Variants in IL15 observed in about 807,000 individuals in gnomAD.
The protein encoded by IL15 is interleukin 15.
Under a neutral mutation model 19.6 loss-of-function variants are expected in IL15, and 11 were observed. The observed-to-expected ratio is 0.56, with a 90% confidence interval of 0.35 to 0.93. IL15 has a LOEUF of 0.93. Among genes scored for constraint, IL15 ranks in the 40% least tolerant of loss-of-function variants. The probability of loss-of-function intolerance (pLI) is 0.01; values close to 1 mark genes in which losing one functional copy is unlikely to be tolerated. For missense variants in IL15, 197 were observed against 186.5 expected, an observed-to-expected ratio of 1.06 and a Z score of -0.33; for synonymous variants, 58 against 59.6, an observed-to-expected ratio of 0.97 and a Z score of 0.12.
intron 2 of IL15, among the ~76,000 whole-genome samples, chr4:141,691,570 C>CA (rs1322596177): frequency 2.0e-5 from 3 of 152,116 alleles, no homozygotes; most frequent in Non-Finnish European, 2.9e-5. Context: ...GTTCCCATTC[C>CA]AAATGGGAGA....
At position 141,667,267 on chromosome 4, in the gene IL15, G is replaced by A. The variant is rs563041414; in HGVS notation, c.-100+10960G>A. ...ATTAATCAAACCCAAGGACCGGGCT[G>A]TGGGAACTCTGATTTATAACTGATC... is the stretch of plus-strand genomic sequence containing the variant. On this transcript the variant is annotated intron_variant, in intron 2 of 7. Transcript: ENST00000320650. Among the ~76,000 whole-genome samples, 3 of 152,224 alleles carry A rather than the reference G, an allele frequency of 2.0e-5. No individual in the cohort carries two copies. The East Asian group carries it at 5.8e-4, about 29-fold the overall frequency.
At chr4:141,664,849 T>C (rs1727917105) in intron 2 of IL15, among the ~76,000 whole-genome samples, 1 of 152,182 alleles carries the variant, frequency 6.6e-6, no homozygotes, top group South Asian at 2.1e-4. Context: ...TTTCATTTTT[T>C]AGCCATGTGA....
chr4:141,703,294 A>T (rs932840458), intron 2 of IL15, among the ~76,000 whole-genome samples: 1 of 152,132 alleles, frequency 6.6e-6, no homozygotes, highest in East Asian at 1.9e-4. Context: ...ATGGGTGTAC[A>T]TCCCTACTCA....
chr4:141,708,284 G>A (rs1418651938), intron 2 of IL15, among the ~76,000 whole-genome samples: 3 of 152,268 alleles, frequency 2.0e-5, no homozygotes, highest in Non-Finnish European at 4.4e-5. Context: ...CTATGCTCTA[G>A]GTAGCTGAGT....
chr4:141,702,287 T>G (rs1451640282), intron 2 of IL15, among the ~76,000 whole-genome samples: 1 of 152,200 alleles, frequency 6.6e-6, no homozygotes, highest in Non-Finnish European at 1.5e-5. Flanking sequence ...AAAATGGGAC[T>G]TCTTGAGAGC....
At chr4:141,645,664 C>T (rs1182164885) in intron 1 of IL15, among the ~76,000 whole-genome samples, 1 of 151,954 alleles carries the variant, frequency 6.6e-6, no homozygotes, top group Non-Finnish European at 1.5e-5. Flanking sequence ...AAAATAAGAA[C>T]CATTTTATTT....
intron 2 of IL15, among the ~76,000 whole-genome samples, chr4:141,679,231 A>C (rs959443961): frequency 2.6e-5 from 4 of 152,202 alleles, no homozygotes; most frequent in African/African-American, 7.2e-5. Flanking sequence ...AAAAATAAGC[A>C]AGCCGTTCCA....
chr4:141,646,703 T>A (rs1411961521), intron 1 of IL15, among the ~76,000 whole-genome samples: 2 of 152,160 alleles, frequency 1.3e-5, no homozygotes, highest in East Asian at 3.8e-4. Context: ...TTAGTTCAGC[T>A]TGTGTTTTGT....
At chr4:141,702,074 T>C (rs1448394140) in intron 2 of IL15, among the ~76,000 whole-genome samples, 1 of 152,180 alleles carries the variant, frequency 6.6e-6, no homozygotes, top group Non-Finnish European at 1.5e-5. Flanking sequence ...AAGGATCTCT[T>C]CTCCAAGACC....
chr4:141,685,490 T>C (rs772157538), intron 2 of IL15, among the ~76,000 whole-genome samples: 22 of 152,168 alleles, frequency 1.4e-4, no homozygotes, highest in African/African-American at 4.8e-4. Flanking sequence ...GAGATGACTT[T>C]TGGAATATAT....
chr4:141,724,386 A>T (rs1730190772), intron 5 of IL15, among the ~76,000 whole-genome samples: 1 of 152,084 alleles, frequency 6.6e-6, no homozygotes, highest in Admixed American at 6.6e-5. Flanking sequence ...CAAATCAAAA[A>T]TCTAAGTTAC....
At chr4:141,684,908 A>G (rs1728660562) in intron 2 of IL15, among the ~76,000 whole-genome samples, 1 of 151,714 alleles carries the variant, frequency 6.6e-6, no homozygotes, top group African/African-American at 2.4e-5. Context: ...TTTAATATTT[A>G]TTGTATCTCC....
chr4:141,643,448 A>G (rs1174124903), intron 1 of IL15, among the ~76,000 whole-genome samples: 2 of 152,140 alleles, frequency 1.3e-5, no homozygotes, highest in Non-Finnish European at 2.9e-5. Flanking sequence ...CTGCTCCACT[A>G]GAAATACACT....
chr4:141,712,640 AAT>A (rs1204228392), intron 2 of IL15, among the ~76,000 whole-genome samples: 1 of 148,198 alleles, frequency 6.7e-6, no homozygotes, highest in African/African-American at 2.4e-5. Context: ...ATATTGTTTA[AAT>A]ATATATTTCT....
intron 1 of IL15, among the ~76,000 whole-genome samples, chr4:141,641,633 T>C (rs1331924505): frequency 3.6e-5 from 5 of 139,176 alleles, no homozygotes; most frequent in Admixed American, 8.1e-5. Flanking sequence ...TAGGTGGGAA[T>C]TGAACAATGA....
chr4:141,689,399 G>A (rs182653433), intron 2 of IL15, among the ~76,000 whole-genome samples: 2 of 152,206 alleles, frequency 1.3e-5, no homozygotes, highest in African/African-American at 4.8e-5. Flanking sequence ...GGTTCTCCAC[G>A]TCCCCACCAG....
chr4:141,653,466 A>G (rs1192508338), intron 1 of IL15, among the ~76,000 whole-genome samples: 1 of 152,222 alleles, frequency 6.6e-6, no homozygotes, highest in Non-Finnish European at 1.5e-5. Context: ...CTATAGATGC[A>G]ACCAGTGCTA....
intron 1 of IL15, among the ~76,000 whole-genome samples, chr4:141,643,600 A>G (rs1190156147): frequency 6.6e-6 from 1 of 152,082 alleles, no homozygotes; most frequent in East Asian, 1.9e-4. Flanking sequence ...TCCTTTTACC[A>G]TACCAGCAAC....
At chr4:141,705,935 T>G (rs1220973669) in intron 2 of IL15, among the ~76,000 whole-genome samples, 1 of 152,016 alleles carries the variant, frequency 6.6e-6, no homozygotes, top group Non-Finnish European at 1.5e-5. Flanking sequence ...GAATATCTTC[T>G]TCTATCCCTC....
Sources: allele counts gnomAD v4.1 joint callset (sites outside exome capture counted in the v4.1 genomes callset), GRCh38; gene constraint gnomAD v4.1.1; transcripts MANE v1.5; gene names NCBI Gene and HGNC (gene_info 2026-07-23, HGNC 2026-07-21).